MOB1B: variants seen among roughly 807,000 people sequenced by gnomAD.
MOB1B encodes MOB kinase activator 1B, also known as MOB1 Mps One Binder homolog B.
MOB1B carries 19 observed loss-of-function variants against 24.4 expected under a neutral mutation model. That is an observed-to-expected ratio of 0.78 (90% confidence interval 0.54 to 1.14). MOB1B has a LOEUF of 1.14. Among genes scored for constraint, MOB1B ranks in the 50% most tolerant of loss-of-function variants. MOB1B has a pLI of 0.00. For missense variants in MOB1B, 243 were observed against 259.6 expected, an observed-to-expected ratio of 0.94 and a Z score of 0.44; for synonymous variants, 76 against 82.1, an observed-to-expected ratio of 0.93 and a Z score of 0.40.
At chr4:70,955,482 T>C (rs1004224018) in intron 1 of MOB1B, among the ~76,000 whole-genome samples, 2 of 149,296 alleles carry the variant, frequency 1.3e-5, no homozygotes, top group Non-Finnish European at 3.0e-5. Flanking sequence ...TTTTTTTTTT[T>C]TTTTGGGAGA....
chr4:70,957,702 C>A (rs1405220302), intron 1 of MOB1B, among the ~76,000 whole-genome samples: 3 of 151,698 alleles, frequency 2.0e-5, no homozygotes, highest in Non-Finnish European at 4.4e-5. Context: ...CTCTGGCCTC[C>A]CAAGTAGCTG....
At chr4:70,950,912 A>G in intron 1 of MOB1B, 1 of 713,752 alleles carries the variant, frequency 1.4e-6, no homozygotes, top group South Asian at 1.5e-5. Flanking sequence ...TTTGTAGACG[A>G]GGAAGCTGAG....
intron 1 of MOB1B, among the ~76,000 whole-genome samples, chr4:70,916,364 A>T (rs948588300): frequency 1.3e-5 from 2 of 152,206 alleles, no homozygotes; most frequent in African/African-American, 2.4e-5. Context: ...CATTCTAGAG[A>T]TGGCTGCATG....
intron 3 of MOB1B, 29 bp from the exon 4 acceptor site, chr4:70,975,122 CTT>C: frequency 5.1e-6 from 8 of 1,558,480 alleles, no homozygotes; most frequent in Non-Finnish European, 6.9e-6. Context: ...ATATACTAAT[CTT>C]CTGTGTGCTT....
At chr4:70,930,075 A>C (rs1303309097) in intron 1 of MOB1B, among the ~76,000 whole-genome samples, 1 of 152,218 alleles carries the variant, frequency 6.6e-6, no homozygotes, top group Non-Finnish European at 1.5e-5. Flanking sequence ...TTTAAAATTT[A>C]AAATTTAGAT....
chr4:70,933,609 T>C (rs1224571837), intron 1 of MOB1B, among the ~76,000 whole-genome samples: 1 of 135,184 alleles, frequency 7.4e-6, no homozygotes, highest in African/African-American at 2.7e-5. Flanking sequence ...TGGAGTGCAA[T>C]GGTGTGATCT....
At chr4:70,975,873 C>CTATTT in intron 4 of MOB1B, 1 of 841,518 alleles carries the variant, frequency 1.2e-6, no homozygotes, top group Non-Finnish European at 1.4e-6. Flanking sequence ...GGTAAACCCT[C>CTATTT]TATTTTATTT....
At chr4:70,962,726 C>T (rs914270044) in intron 2 of MOB1B, among the ~76,000 whole-genome samples, 4 of 151,996 alleles carry the variant, frequency 2.6e-5, no homozygotes, top group Admixed American at 6.6e-5. Context: ...AGGCCGGGCA[C>T]GGTGGCTCAC....
chr4:70,909,786 GCT>G, intron 1 of MOB1B, among the ~76,000 whole-genome samples: 1 of 151,936 alleles, frequency 6.6e-6, no homozygotes, highest in Non-Finnish European at 1.5e-5. Flanking sequence ...GAGTGCAGTG[GCT>G]CAATCTTGGT....
At chr4:70,948,449 A>G (rs1367593632) in intron 1 of MOB1B, among the ~76,000 whole-genome samples, 2 of 152,164 alleles carry the variant, frequency 1.3e-5, no homozygotes, top group Non-Finnish European at 2.9e-5. Context: ...TTAATTTTTC[A>G]GTTCCCCTCA....
chr4:70,946,819 G>A (rs765625473), intron 1 of MOB1B, among the ~76,000 whole-genome samples: 3 of 151,848 alleles, frequency 2.0e-5, no homozygotes, highest in Non-Finnish European at 2.9e-5. Context: ...AACAGAAGGG[G>A]AAGGAAAAAA....
chr4:70,960,980 C>G (rs1738279495), intron 2 of MOB1B, among the ~76,000 whole-genome samples: 2 of 152,310 alleles, frequency 1.3e-5, no homozygotes, highest in Admixed American at 6.5e-5. Flanking sequence ...CTGTACCTCT[C>G]TTATCTGCTA....
chr4:70,964,339 A>G (rs1271623820), intron 2 of MOB1B, among the ~76,000 whole-genome samples: 2 of 152,248 alleles, frequency 1.3e-5, no homozygotes, highest in South Asian at 4.1e-4. Context: ...ATGGAAACCA[A>G]TACATTCTCT....
chr4:70,952,658 A>C (rs1168660371), intron 1 of MOB1B, among the ~76,000 whole-genome samples: 71 of 150,956 alleles, frequency 4.7e-4, no homozygotes, highest in African/African-American at 1.7e-3. Context: ...AAAAAAAAAA[A>C]ACAAAACAAA....
chr4:70,983,962 G>A lies in MOB1B; in HGVS notation c.*1905G>A, dbSNP rs1470862663. ...TTGATTCAGAAATAAAATTTGTGAG[G>A]TGATTTTGAATCTTGTCCATATAGG... On this transcript the variant is annotated 3_prime_UTR_variant, in exon 6 of 6. Coordinates refer to ENST00000309395, the MANE Select transcript of MOB1B (RefSeq NM_173468.4). 6.6e-6 allele frequency: 1 copy of A among 152,516 alleles called. No individual in the cohort carries two copies. The highest frequency in any genetic ancestry group is 1.5e-5 in the Non-Finnish European group (1 of 67,960). 9.4% of individuals were successfully genotyped at this position (152,516 alleles called of 1,614,324 possible).
intron 1 of MOB1B, among the ~76,000 whole-genome samples, chr4:70,922,807 T>C (rs1049880752): frequency 1.3e-5 from 2 of 152,194 alleles, no homozygotes; most frequent in Non-Finnish European, 2.9e-5. Flanking sequence ...CCAATTTTGG[T>C]AGACACAACA....
intron 1 of MOB1B, among the ~76,000 whole-genome samples, chr4:70,949,293 T>G (rs1255347559): frequency 6.6e-6 from 1 of 152,190 alleles, no homozygotes; most frequent in African/African-American, 2.4e-5. Context: ...AATAGTGATT[T>G]AAAAGGGATT....
At chr4:70,947,133 C>T (rs1560649106) in intron 1 of MOB1B, among the ~76,000 whole-genome samples, 1 of 152,120 alleles carries the variant, frequency 6.6e-6, no homozygotes, top group African/African-American at 2.4e-5. Context: ...CGTGAAATAT[C>T]AGACAAATTA....
At chr4:70,934,158 C>T (rs998702290) in intron 1 of MOB1B, among the ~76,000 whole-genome samples, 1 of 152,274 alleles carries the variant, frequency 6.6e-6, no homozygotes, top group African/African-American at 2.4e-5. Flanking sequence ...GATCTCTGCT[C>T]ACTACAACCT....
Sources: allele counts gnomAD v4.1 joint callset (sites outside exome capture counted in the v4.1 genomes callset), GRCh38; gene constraint gnomAD v4.1.1; transcripts MANE v1.5; gene names NCBI Gene and HGNC (gene_info 2026-07-23, HGNC 2026-07-21).